The following DIS3L2 variants were observed in gnomAD, a reference collection of about 807,000 sequenced individuals.
DIS3L2 encodes the protein DIS3 like 3'-5' exoribonuclease 2.
Under a neutral mutation model 97.5 loss-of-function variants are expected in DIS3L2, and 34 were observed. The ratio of observed to expected loss-of-function variants is 0.35; its 90% CI spans 0.27 to 0.46. The LOEUF is 0.46. Among genes scored for constraint, DIS3L2 ranks in the 20% least tolerant of loss-of-function variants. The pLI is 1.00. For synonymous variants in DIS3L2, 435 were observed against 445.2 expected, an observed-to-expected ratio of 0.98 and a Z score of 0.29; for missense variants, 1,038 against 1,146.0, an observed-to-expected ratio of 0.91 and a Z score of 1.36.
intron 14 of DIS3L2, 27 bp from the exon 15 acceptor site, chr2:232,329,786 C>CCCCGGGGGA: frequency 4.6e-6 from 2 of 430,236 alleles, no homozygotes; most frequent in Non-Finnish European, 4.2e-6. Flanking sequence ...CCCCAGCGGT[C>CCCCGGGGGA]CCTCCCATCC....
chr2:232,288,702 G>A (rs1694515059), intron 13 of DIS3L2, among the ~76,000 whole-genome samples: 1 of 152,194 alleles, frequency 6.6e-6, no homozygotes, highest in South Asian at 2.1e-4. Flanking sequence ...TCTGAGTATT[G>A]TATGGGAATG....
intron 5 of DIS3L2, among the ~76,000 whole-genome samples, chr2:232,052,908 T>A (rs994585591): frequency 6.6e-6 from 1 of 152,262 alleles, no homozygotes; most frequent in Non-Finnish European, 1.5e-5. Flanking sequence ...TGACCTACTA[T>A]GAATGACTCC....
chr2:231,990,038 G>A (rs1478468998), intron 1 of DIS3L2, among the ~76,000 whole-genome samples: 1 of 152,130 alleles, frequency 6.6e-6, no homozygotes, highest in Non-Finnish European at 1.5e-5. Context: ...ACTGATCATG[G>A]CAGAGGTATT....
chr2:232,043,666 A>G (rs1695165095), intron 5 of DIS3L2, among the ~76,000 whole-genome samples: 1 of 152,222 alleles, frequency 6.6e-6, no homozygotes, highest in African/African-American at 2.4e-5. Flanking sequence ...TTATTGCTTT[A>G]AAGTACAGGG....
At chr2:232,165,901 A>AT (rs1193469547) in intron 9 of DIS3L2, among the ~76,000 whole-genome samples, 1 of 152,020 alleles carries the variant, frequency 6.6e-6, no homozygotes, top group Non-Finnish European at 1.5e-5. Context: ...GAAGTATTCC[A>AT]TTTTTTCTAG....
chr2:232,001,815 G>T (rs1693919371), intron 1 of DIS3L2, among the ~76,000 whole-genome samples: 3 of 149,798 alleles, frequency 2.0e-5, no homozygotes, highest in Non-Finnish European at 4.4e-5. Flanking sequence ...CCACCTCCCG[G>T]GTTCAAGCAT....
intron 13 of DIS3L2, among the ~76,000 whole-genome samples, chr2:232,282,920 G>A (rs943188265): frequency 5.3e-5 from 8 of 152,194 alleles, no homozygotes; most frequent in African/African-American, 1.7e-4. Flanking sequence ...TGTTGGAAGC[G>A]CCTTTTAAGA....
At chr2:232,139,659 T>TG (rs1305655677) in intron 8 of DIS3L2, among the ~76,000 whole-genome samples, 1 of 152,144 alleles carries the variant, frequency 6.6e-6, no homozygotes, top group Non-Finnish European at 1.5e-5. Context: ...TAGAATAATT[T>TG]GGGGGAATTT....
intron 4 of DIS3L2, among the ~76,000 whole-genome samples, chr2:232,025,742 TA>T (rs1694638678): frequency 6.6e-6 from 1 of 152,184 alleles, no homozygotes; most frequent in African/African-American, 2.4e-5. Context: ...CCAGGAATCA[TA>T]AAAACTACCC....
At chr2:232,305,150 A>T (rs1694955422) in intron 14 of DIS3L2, among the ~76,000 whole-genome samples, 1 of 152,154 alleles carries the variant, frequency 6.6e-6, no homozygotes. Flanking sequence ...AACTCAGCTC[A>T]CTGCAACCTG....
intron 8 of DIS3L2, among the ~76,000 whole-genome samples, chr2:232,142,712 C>T (rs1004166368): frequency 1.3e-5 from 2 of 152,156 alleles, no homozygotes; most frequent in Non-Finnish European, 2.9e-5. Context: ...TCTGCTGTGT[C>T]ATAGTACTGA....
At chr2:231,992,051 T>C (rs1237951343) in intron 1 of DIS3L2, among the ~76,000 whole-genome samples, 1 of 152,124 alleles carries the variant, frequency 6.6e-6, no homozygotes, top group Non-Finnish European at 1.5e-5. Context: ...GAAGGCTGTA[T>C]TGAGGGATGA....
At chr2:231,986,450 C>T (rs1693417455) in intron 1 of DIS3L2, among the ~76,000 whole-genome samples, 1 of 152,162 alleles carries the variant, frequency 6.6e-6, no homozygotes, top group South Asian at 2.1e-4. Flanking sequence ...CGCCTAGCAA[C>T]GTCCCTTTTA....
chr2:232,337,297 T>C, downstream of DIS3L2: 1 of 666,480 alleles, frequency 1.5e-6, no homozygotes, highest in Non-Finnish European at 1.9e-6. Context: ...CCGCAGGGCC[T>C]GGTGGGAGTC....
intron 5 of DIS3L2, among the ~76,000 whole-genome samples, chr2:232,041,949 A>G (rs561858894): frequency 6.6e-6 from 1 of 152,352 alleles, no homozygotes; most frequent in African/African-American, 2.4e-5. Flanking sequence ...TTTGTTAGCA[A>G]GTCTAAATTT....
chr2:232,238,136 A>G (rs1692983955), intron 10 of DIS3L2, among the ~76,000 whole-genome samples: 1 of 152,120 alleles, frequency 6.6e-6, no homozygotes, highest in African/African-American at 2.4e-5. Context: ...AATGGGAAGG[A>G]AGGGCAGAGC....
intron 20 of DIS3L2, chr2:232,336,194 G>A: frequency 6.5e-7 from 1 of 1,533,954 alleles, no homozygotes; most frequent in Non-Finnish European, 8.8e-7. Context: ...GAAATTGTCT[G>A]GAACCGTTTT....
intron 8 of DIS3L2, among the ~76,000 whole-genome samples, chr2:232,154,912 G>A (rs1187357802): frequency 1.2e-4 from 9 of 74,330 alleles, no homozygotes; most frequent in African/African-American, 3.6e-4. Context: ...GTGGTGCGCC[G>A]TTTCTTAAGC....
intron 12 of DIS3L2, among the ~76,000 whole-genome samples, chr2:232,251,748 A>G (rs1170775091): frequency 1.3e-5 from 2 of 152,228 alleles, no homozygotes; most frequent in Admixed American, 1.3e-4. Context: ...AACCCTAGAA[A>G]TTAGATGACA....
Sources: gnomAD v4.1 joint callset for allele counts (sites outside exome capture counted in the v4.1 genomes callset) on GRCh38, gnomAD v4.1.1 for gene constraint, MANE v1.5 for transcripts, NCBI Gene and HGNC (gene_info 2026-07-23, HGNC 2026-07-21) for gene names.